MAST4: variants seen among roughly 807,000 people sequenced by gnomAD.
MAST4 encodes the protein microtubule associated serine/threonine kinase family member 4, also known as microtubule-associated serine/threonine-protein kinase 4.
A neutral mutation model predicts 162.7 loss-of-function variants in MAST4; 89 were observed. The ratio of observed to expected loss-of-function variants is 0.55; its 90% CI spans 0.46 to 0.65. The LOEUF is 0.65. MAST4 is among the 30% of genes least tolerant of loss of function. The pLI is 0.00. For missense variants in MAST4, 3,153 were observed against 3,374.0 expected, an observed-to-expected ratio of 0.93 and a Z score of 1.62; for synonymous variants, 1,479 against 1,361.1, an observed-to-expected ratio of 1.09 and a Z score of -1.91.
At position 66,705,954 on chromosome 5, in the gene MAST4, C is replaced by T. The variant is rs114837366; in HGVS notation, c.364-53755C>T. Among the ~76,000 whole-genome samples the T allele has an allele frequency of 1.1e-3, 168 of 152,162 alleles. 1 individual carries two copies. Among genetic ancestry groups the T allele is most frequent in the African/African-American group, 3.9e-3 (163 of 41,510 alleles). ...GGTAGGGAATCAAGGCTTAGTAAGG[C>T]GAAGTAACTTTCCCATGGTTACACA... On this transcript the variant is annotated intron_variant, in intron 1 of 28. Transcript: ENST00000403625.
intron 3 of MAST4, among the ~76,000 whole-genome samples, chr5:66,846,677 A>C (rs1448500305): frequency 1.3e-5 from 2 of 152,180 alleles, no homozygotes; most frequent in Non-Finnish European, 2.9e-5. Flanking sequence ...AATTCCATAA[A>C]TTAGTTGGTA....
At chr5:66,902,758 A>G in intron 4 of MAST4, 2 of 458,586 alleles carry the variant, frequency 4.4e-6, no homozygotes, top group South Asian at 1.6e-5. Context: ...TCACTTTTCC[A>G]GAGGCATTCC....
At chr5:66,974,482 T>C (rs542874593) in intron 4 of MAST4, among the ~76,000 whole-genome samples, 4 of 152,362 alleles carry the variant, frequency 2.6e-5, no homozygotes, top group African/African-American at 7.2e-5. Context: ...GTTGCAATTT[T>C]GCTTCTAGTA....
In MAST4 at chr5:67,130,191, T is replaced by C; in HGVS notation, c.1746-19T>C. On this transcript the variant is annotated intron_variant, in intron 14 of 28. Coordinates refer to ENST00000403625, the MANE Select transcript of MAST4 (RefSeq NM_001164664.2). ...CTTTCTCTCCTCCTGTCAACCCCAA[T>C]ACTTCTGCTCCTTTTCAGGGCAGTC... 2 of 1,601,420 alleles carry C rather than the reference T, an allele frequency of 1.2e-6. No individual in the cohort carries two copies. Among genetic ancestry groups the C allele is most frequent in the South Asian group, 1.1e-5 (1 of 89,714 alleles).
At chr5:67,054,982 A>C (rs1450768199) in intron 5 of MAST4, among the ~76,000 whole-genome samples, 2 of 152,060 alleles carry the variant, frequency 1.3e-5, no homozygotes, top group Non-Finnish European at 2.9e-5. Flanking sequence ...TGTAAAAACT[A>C]GACAATGAAA....
chr5:66,657,507 C>T (rs1351909192), intron 1 of MAST4, among the ~76,000 whole-genome samples: 2 of 152,174 alleles, frequency 1.3e-5, no homozygotes, highest in African/African-American at 2.4e-5. Flanking sequence ...TATCCACCTC[C>T]TCCATTCAGT....
At chr5:67,113,936 T>C (rs566187664) in intron 11 of MAST4, 151 bp from the exon 12 acceptor site, 1 of 733,718 alleles carries the variant, frequency 1.4e-6, no homozygotes. Context: ...AAGTGAGAAT[T>C]ACATACTTTT....
At chr5:67,013,050 T>C (rs921513531) in intron 4 of MAST4, among the ~76,000 whole-genome samples, 1 of 152,238 alleles carries the variant, frequency 6.6e-6, no homozygotes. Context: ...TACTTTATTA[T>C]AGAATCCTGG....
At chr5:66,997,578 C>T (rs1261207280) in intron 4 of MAST4, among the ~76,000 whole-genome samples, 1 of 151,936 alleles carries the variant, frequency 6.6e-6, no homozygotes, top group African/African-American at 2.4e-5. Flanking sequence ...ATTACAGGCA[C>T]CTGCCACCAT....
chr5:66,906,413 C>T lies in MAST4; in HGVS notation c.674+6431C>T, dbSNP rs74889369. ...TTCTCCATTCACCCTTTCATTATTC[C>T]TCTGAGAGTGGTTGGAGTCTATTAG... On this transcript the variant is annotated intron_variant, in intron 4 of 28. Transcript: ENST00000403625. Among the ~76,000 whole-genome samples, 48 of 152,210 alleles carry T rather than the reference C, an allele frequency of 3.2e-4. 1 individual carries two copies. The East Asian group carries it at 9.1e-3, about 29-fold the overall frequency.
chr5:67,082,671 AT>A (rs1039113037), intron 5 of MAST4, among the ~76,000 whole-genome samples: 25 of 152,156 alleles, frequency 1.6e-4, no homozygotes, highest in Non-Finnish European at 2.6e-4. Flanking sequence ...GTATTTCCTA[AT>A]TTTGAAAATC....
intron 1 of MAST4, among the ~76,000 whole-genome samples, chr5:66,652,794 A>G (rs1276239619): frequency 6.6e-6 from 1 of 152,176 alleles, no homozygotes; most frequent in African/African-American, 2.4e-5. Context: ...CATAAATAAT[A>G]TTACATTTAG....
intron 1 of MAST4, among the ~76,000 whole-genome samples, chr5:66,681,171 A>G (rs1748306154): frequency 6.6e-6 from 1 of 152,240 alleles, no homozygotes; most frequent in South Asian, 2.1e-4. Flanking sequence ...TAGTCTCAAA[A>G]GCACTTTTCA....
intron 3 of MAST4, among the ~76,000 whole-genome samples, chr5:66,823,453 G>A (rs981083981): frequency 6.6e-6 from 1 of 152,192 alleles, no homozygotes; most frequent in African/African-American, 2.4e-5. Flanking sequence ...AGCAATGACC[G>A]GCACGTAATG....
rs6864743 is a variant in MAST4 at position 66,759,828 on chromosome 5, G to A, written c.483G>A (p.Gln161=). 8.4e-4 allele frequency: 1,363 copies of A among 1,613,928 alleles called. 13 individuals are homozygous for A. The African/African-American group carries it at 0.016, about 19-fold the overall frequency. The change falls in exon 2 of 29, where the codon CAG becomes CAA. Residue 161 remains glutamine (Q), a synonymous_variant. Coordinates refer to ENST00000403625, the MANE Select transcript of MAST4 (RefSeq NM_001164664.2). ...YKRQLSEDGR[Q]LRRGSLGGAL... The stretch of plus-strand genomic sequence containing the variant: ...GACAGCTGAGTGAGGATGGAAGACA[G>A]CTAAGGCGAGGGAGCCTGGGAGGAG...
intron 5 of MAST4, 45 bp from the exon 6 acceptor site, chr5:67,090,117 T>C (rs1763665394): frequency 7.8e-7 from 1 of 1,288,940 alleles, no homozygotes; most frequent in Admixed American, 1.8e-5. Flanking sequence ...GTGGAAATGA[T>C]ACACAAAATC....
chr5:66,700,100 A>G (rs879156055), intron 1 of MAST4, among the ~76,000 whole-genome samples: 4 of 152,132 alleles, frequency 2.6e-5, no homozygotes, highest in Non-Finnish European at 4.4e-5. Context: ...CTTTGCCTCT[A>G]TTTCCCTCCC....
intron 4 of MAST4, among the ~76,000 whole-genome samples, chr5:67,053,770 A>G (rs1758462024): frequency 6.6e-6 from 1 of 152,196 alleles, no homozygotes; most frequent in Non-Finnish European, 1.5e-5. Flanking sequence ...TACTCAGGAT[A>G]AAACCAGTAG....
intron 3 of MAST4, among the ~76,000 whole-genome samples, chr5:66,819,839 T>A (rs1756909689): frequency 6.7e-6 from 1 of 150,224 alleles, no homozygotes; most frequent in Non-Finnish European, 1.5e-5. Context: ...ACTGGTGCAA[T>A]CTCAGCTCAC....
Sources: allele counts gnomAD v4.1 joint callset (sites outside exome capture counted in the v4.1 genomes callset), GRCh38; gene constraint gnomAD v4.1.1; transcripts MANE v1.5; gene names NCBI Gene and HGNC (gene_info 2026-07-23, HGNC 2026-07-21).